DIS3L2: variants seen among roughly 807,000 people sequenced by gnomAD.
DIS3L2 encodes the protein DIS3-like exonuclease 2.
In DIS3L2, 34 loss-of-function variants were observed where a neutral mutation model predicts 97.5. That is an observed-to-expected ratio of 0.35 (90% CI 0.27 to 0.46). DIS3L2 has a LOEUF of 0.46. DIS3L2 is among the 20% of genes least tolerant of loss of function. The probability of loss-of-function intolerance (pLI) is 1.00; values close to 1 mark genes in which losing one functional copy is unlikely to be tolerated. For synonymous variants in DIS3L2, 435 were observed against 445.2 expected (o/e 0.98, Z 0.29); for missense variants, 1,038 against 1,146.0 (o/e 0.91, Z 1.36).
chr2:232,073,264 C>T (rs755067153), intron 5 of DIS3L2, among the ~76,000 whole-genome samples: 2 of 152,080 alleles, frequency 1.3e-5, no homozygotes, highest in Non-Finnish European at 2.9e-5. Flanking sequence ...CCAGGGAAGC[C>T]AAGAAATGAA....
intron 14 of DIS3L2, among the ~76,000 whole-genome samples, chr2:232,303,226 C>T (rs1575005576): frequency 1.3e-5 from 2 of 152,180 alleles, no homozygotes; most frequent in African/African-American, 2.4e-5. Flanking sequence ...TTATGAAGCA[C>T]GGAGGACCCC....
chr2:232,240,093 C>T (rs1254749583), intron 11 of DIS3L2, among the ~76,000 whole-genome samples: 1 of 152,200 alleles, frequency 6.6e-6, no homozygotes, highest in Non-Finnish European at 1.5e-5. Context: ...TAGATGGGCT[C>T]TCTTGTCCCA....
chr2:232,113,215 TC>T (rs1697591736), intron 6 of DIS3L2, among the ~76,000 whole-genome samples: 1 of 152,206 alleles, frequency 6.6e-6, no homozygotes, highest in Admixed American at 6.5e-5. Flanking sequence ...ATACACCTGT[TC>T]CTAGCTGTCC....
chr2:231,984,034 A>G (rs928012119), intron 1 of DIS3L2, among the ~76,000 whole-genome samples: 1 of 152,070 alleles, frequency 6.6e-6, no homozygotes, highest in Non-Finnish European at 1.5e-5. Flanking sequence ...TTATATTCTA[A>G]TACTTTTTGC....
rs765195518 is a variant in DIS3L2 at position 232,024,364 on chromosome 2, C to G, written c.264+34C>G. On this transcript the variant is annotated intron_variant, in intron 4 of 20. Transcript: ENST00000325385. ...AATAAATTTATAATAAACTTTATGT[C>G]ACATTTAATTTTTTAGATCTGCTCC... 7 of 1,513,192 alleles carry G rather than the reference C, an allele frequency of 4.6e-6. No individual in the cohort carries two copies. In the East Asian group the frequency reaches 6.9e-5, roughly 15 times the overall value. The allele number at this position is 1,513,192 out of a possible 1,614,324, so 93.7% of individuals were successfully genotyped here. A position where few individuals can be genotyped will look rare whatever the true frequency, so the allele number is the denominator to read the frequency against.
At chr2:232,052,195 T>A (rs1384089666) in intron 5 of DIS3L2, among the ~76,000 whole-genome samples, 1 of 152,112 alleles carries the variant, frequency 6.6e-6, no homozygotes, top group African/African-American at 2.4e-5. Context: ...GCTAATTTTT[T>A]GTATTTTTAG....
At chr2:232,327,778 C>G (rs1486799174) in intron 14 of DIS3L2, among the ~76,000 whole-genome samples, 1 of 152,200 alleles carries the variant, frequency 6.6e-6, no homozygotes, top group African/African-American at 2.4e-5. Context: ...AGACCCCCAG[C>G]TGGCCATGTG....
intron 13 of DIS3L2, among the ~76,000 whole-genome samples, chr2:232,282,076 C>G (rs1694302743): frequency 6.7e-6 from 1 of 149,930 alleles, no homozygotes; most frequent in South Asian, 2.1e-4. Flanking sequence ...GTCCTTCCTC[C>G]TTGCTTGCAC....
At chr2:232,090,271 G>A (rs572074342) in intron 6 of DIS3L2, among the ~76,000 whole-genome samples, 3 of 151,990 alleles carry the variant, frequency 2.0e-5, no homozygotes, top group Non-Finnish European at 4.4e-5. Flanking sequence ...CACTGAGTAC[G>A]TTACAAGCCC....
chr2:232,070,646 G>A (rs1441379859), intron 5 of DIS3L2, among the ~76,000 whole-genome samples: 3 of 150,670 alleles, frequency 2.0e-5, no homozygotes, highest in Admixed American at 6.6e-5. Context: ...GTGCAGTGGC[G>A]CCATCTCCAG....
At chr2:232,158,599 C>A (rs1690565154) in intron 8 of DIS3L2, among the ~76,000 whole-genome samples, 1 of 152,138 alleles carries the variant, frequency 6.6e-6, no homozygotes, top group South Asian at 2.1e-4. Flanking sequence ...TGTTTCTCCC[C>A]CTTTTTCTGG....
intron 6 of DIS3L2, among the ~76,000 whole-genome samples, chr2:232,108,212 G>A (rs1239244927): frequency 1.3e-5 from 2 of 152,146 alleles, no homozygotes; most frequent in South Asian, 2.1e-4. Flanking sequence ...TGCAAGGCTG[G>A]TTCAACATAC....
intron 6 of DIS3L2, among the ~76,000 whole-genome samples, chr2:232,123,831 A>G (rs1697976306): frequency 6.6e-6 from 1 of 152,202 alleles, no homozygotes; most frequent in African/African-American, 2.4e-5. Flanking sequence ...TGGAACCCCA[A>G]AGGGCTACAC....
Position 232,030,051 on chromosome 2 carries a change from G to A in DIS3L2, c.337G>A (p.Val113Met), listed in dbSNP as rs766049780. ...NRALNGDLVV[V>M]KLLPEEHWKV... ...AGCCTTAAATGGGGATCTGGTGGTC[G>A]TGAAACTGCTTCCCGAGGAGCATTG... The change falls in exon 5 of 21, where the codon GTG becomes ATG. Residue 113 changes from valine to methionine, a missense_variant. Physicochemically the swap from Val to Met is conservative, Grantham distance 21. This residue lies in a region of DIS3L2 where 813 missense variants were observed against 880.1 expected (regional missense o/e 0.92). Transcript: ENST00000325385. 1.2e-6 allele frequency: 2 copies of A among 1,610,828 alleles called. No individual in the cohort carries two copies. Among genetic ancestry groups the A allele is most frequent in the Non-Finnish European group, 1.7e-6 (2 of 1,178,824 alleles).
chr2:232,115,084 T>A (rs1048535153), intron 6 of DIS3L2, among the ~76,000 whole-genome samples: 1 of 152,104 alleles, frequency 6.6e-6, no homozygotes, highest in African/African-American at 2.4e-5. Flanking sequence ...CATTAATGGA[T>A]TAATCCATTC....
chr2:232,315,590 C>T (rs1695250142), intron 14 of DIS3L2, among the ~76,000 whole-genome samples: 1 of 152,050 alleles, frequency 6.6e-6, no homozygotes, highest in Admixed American at 6.6e-5. Flanking sequence ...GGCAGGAAGC[C>T]TCTAGAGCCT....
intron 5 of DIS3L2, among the ~76,000 whole-genome samples, chr2:232,083,056 C>T (rs549104351): frequency 7.3e-4 from 45 of 61,250 alleles, no homozygotes; most frequent in African/African-American, 2.0e-3. Flanking sequence ...GAGAACAGCA[C>T]AGGAAAGACC....
intron 9 of DIS3L2, among the ~76,000 whole-genome samples, chr2:232,172,011 A>G (rs1691004906): frequency 6.6e-6 from 1 of 152,224 alleles, no homozygotes; most frequent in Admixed American, 6.5e-5. Flanking sequence ...TAATTTCTAC[A>G]TCTTCTAAAT....
chr2:232,220,604 G>A (rs918727274), intron 10 of DIS3L2, among the ~76,000 whole-genome samples: 2 of 152,076 alleles, frequency 1.3e-5, no homozygotes, highest in Admixed American at 6.6e-5. Context: ...CTACTTGGAA[G>A]GCTGAGGCAA....
Sources: gnomAD v4.1 joint callset for allele counts (sites outside exome capture counted in the v4.1 genomes callset) on GRCh38, gnomAD v4.1.1 for gene constraint, gnomAD v4.1.1 regional missense constraint, MANE v1.5 for transcripts, NCBI Gene and HGNC (gene_info 2026-07-23, HGNC 2026-07-21) for gene names.